Variants in PCMTD1 observed in about 807,000 individuals in gnomAD.
The protein encoded by PCMTD1 is protein-L-isoaspartate (D-aspartate) O-methyltransferase domain containing 1.
Under a neutral mutation model 37.6 loss-of-function variants are expected in PCMTD1, and 12 were observed. The ratio of observed to expected loss-of-function variants is 0.32; its 90% CI spans 0.20 to 0.52. PCMTD1 has a LOEUF of 0.52. Among genes scored for constraint, PCMTD1 ranks in the 20% least tolerant of loss-of-function variants. PCMTD1 has a pLI of 0.97. For missense variants in PCMTD1, 235 were observed against 421.3 expected, an observed-to-expected ratio of 0.56 and a Z score of 3.87; for synonymous variants, 117 against 135.8, an observed-to-expected ratio of 0.86 and a Z score of 0.96.
Position 51,867,519 on chromosome 8 carries a change from G to A in PCMTD1, c.-95-6273C>T, listed in dbSNP as rs533445211. On this transcript the variant is annotated intron_variant, in intron 1 of 5. Transcript: ENST00000522514. ...TGTGTGTGTGTGTGTGTGTGTGTGTGTATAGGAATTTGAGAGAAAGAAGAA... is the reference window on the plus strand; with the variant it reads ...TGTGTGTGTGTGTGTGTGTGTGTGTATATAGGAATTTGAGAGAAAGAAGAA... Among the ~76,000 whole-genome samples the A allele has an allele frequency of 1.1e-4, 15 of 138,086 alleles. No homozygotes were observed. In the East Asian group the frequency reaches 2.6e-3, roughly 24 times the overall value. 90.6% of individuals were successfully genotyped at this position (138,086 alleles called of 152,430 possible). A position where few individuals can be genotyped will look rare whatever the true frequency, so the allele number is the denominator to read the frequency against.
intron 1 of PCMTD1, among the ~76,000 whole-genome samples, chr8:51,888,653 T>C (rs1401901001): frequency 6.6e-6 from 1 of 152,194 alleles, no homozygotes; most frequent in Non-Finnish European, 1.5e-5. Context: ...AAGAATCAAA[T>C]GAAATAATGT....
chr8:51,848,789 G>C (rs990943735), intron 2 of PCMTD1, among the ~76,000 whole-genome samples: 2 of 152,000 alleles, frequency 1.3e-5, no homozygotes, highest in Non-Finnish European at 2.9e-5. Context: ...CATTAATACT[G>C]AATTGTAAAC....
rs150815583 is a variant in PCMTD1 at position 51,838,465 on chromosome 8, G to T, written c.411-4776C>A. ...GACCATGGCCACTGCACTCCAGCCT[G>T]TGCGACACAGCAAGACCCTGTCTCA... On this transcript the variant is annotated intron_variant, in intron 3 of 5. Coordinates refer to ENST00000522514, the MANE Select transcript of PCMTD1 (RefSeq NM_052937.4). Among the ~76,000 whole-genome samples, 919 of 152,118 alleles carry T rather than the reference G, an allele frequency of 6.0e-3. 8 individuals carry two copies. The highest frequency in any genetic ancestry group is 0.014 in the Admixed American group (214 of 15,266).
intron 3 of PCMTD1, among the ~76,000 whole-genome samples, chr8:51,841,592 T>TA (rs1190855221): frequency 6.6e-6 from 1 of 152,230 alleles, no homozygotes. Flanking sequence ...AATGCTATAC[T>TA]AATAATTCAT....
At chr8:51,846,627 T>C (rs2038224061) in intron 2 of PCMTD1, among the ~76,000 whole-genome samples, 2 of 151,874 alleles carry the variant, frequency 1.3e-5, no homozygotes, top group South Asian at 4.1e-4. Flanking sequence ...CTGGAAGGTG[T>C]CTTATTTTCA....
intron 1 of PCMTD1, among the ~76,000 whole-genome samples, chr8:51,880,368 T>A (rs193264725): frequency 2.1e-3 from 318 of 152,176 alleles, no homozygotes; most frequent in Non-Finnish European, 3.5e-3. Context: ...ATGATGTTTT[T>A]AAAAAAAACT....
At chr8:51,882,457 G>T (rs1290892537) in intron 1 of PCMTD1, among the ~76,000 whole-genome samples, 1 of 11,114 alleles carries the variant, frequency 9.0e-5, no homozygotes, top group Non-Finnish European at 3.9e-4. Flanking sequence ...TCTTTCAAAA[G>T]CTCTCAAACA....
Position 51,819,063 on chromosome 8 carries a change from C to A in PCMTD1, c.*1288G>T, listed in dbSNP as rs1563331346. ...AGGCCTTATTAGGAAAACAAACAAACAATGGCAGTTACTACCTGTTTTTTA... is the reference window on the plus strand; with the variant it reads ...AGGCCTTATTAGGAAAACAAACAAAAAATGGCAGTTACTACCTGTTTTTTA... On this transcript the variant is annotated 3_prime_UTR_variant, in exon 6 of 6. Coordinates refer to ENST00000522514, the MANE Select transcript of PCMTD1 (RefSeq NM_052937.4). 1 of 152,002 alleles carries A rather than the reference C, an allele frequency of 6.6e-6. No individual in the cohort carries two copies. The highest frequency in any genetic ancestry group is 1.5e-5 in the Non-Finnish European group (1 of 67,998). The allele number at this position is 152,002 out of a possible 1,614,324, so 9.4% of individuals were successfully genotyped here. A position where few individuals can be genotyped will look rare whatever the true frequency, so the allele number is the denominator to read the frequency against.
At chr8:51,846,635 T>G (rs1039637799) in intron 2 of PCMTD1, among the ~76,000 whole-genome samples, 3 of 151,382 alleles carry the variant, frequency 2.0e-5, no homozygotes, top group African/African-American at 7.3e-5. Context: ...TGTCTTATTT[T>G]CAGTATCTTT....
intron 1 of PCMTD1, among the ~76,000 whole-genome samples, chr8:51,878,675 A>G (rs1327296249): frequency 2.6e-5 from 4 of 152,160 alleles, no homozygotes; most frequent in Non-Finnish European, 5.9e-5. Context: ...CTTGAGCCCA[A>G]GAGGTGAAGG....
At chr8:51,838,352 G>A (rs1238251792) in intron 3 of PCMTD1, among the ~76,000 whole-genome samples, 1 of 151,590 alleles carries the variant, frequency 6.6e-6, no homozygotes, top group African/African-American at 2.4e-5. Context: ...AGTTAGGCAC[G>A]GTAGCACGCG....
At chr8:51,867,875 G>C (rs987279817) in intron 1 of PCMTD1, among the ~76,000 whole-genome samples, 2 of 152,008 alleles carry the variant, frequency 1.3e-5, no homozygotes, top group African/African-American at 2.4e-5. Flanking sequence ...TGCTAGACAG[G>C]AGAAATACGC....
At chr8:51,828,864 T>C (rs2037959614) in intron 5 of PCMTD1, among the ~76,000 whole-genome samples, 1 of 152,208 alleles carries the variant, frequency 6.6e-6, no homozygotes, top group Non-Finnish European at 1.5e-5. Context: ...ATACCAGTTT[T>C]TGACTAGACA....
At position 51,849,937 on chromosome 8, in the gene PCMTD1, T is replaced by C. The variant is rs1237550011; in HGVS notation, c.308-4174A>G. The C allele has an allele frequency of 1.1e-5, 7 of 640,052 alleles. No individual in the cohort carries two copies. The East Asian group carries it at 1.9e-4, about 17-fold the overall frequency. 39.6% of individuals were successfully genotyped at this position (640,052 alleles called of 1,614,324 possible). A position where few individuals can be genotyped will look rare whatever the true frequency, so the allele number is the denominator to read the frequency against. On this transcript the variant is annotated intron_variant, in intron 2 of 5. Transcript: ENST00000522514. ...AAACCTGAGAGTTCCACACTGCATT[T>C]GAATGAAGTTCACTGTGCCTTTAGT...
intron 1 of PCMTD1, among the ~76,000 whole-genome samples, chr8:51,894,757 A>C (rs1444590771): frequency 6.6e-6 from 1 of 151,380 alleles, no homozygotes; most frequent in Non-Finnish European, 1.5e-5. Context: ...AGAAAGATAG[A>C]AGAAATCAGG....
chr8:51,875,856 C>CAGG (rs1424617238), intron 1 of PCMTD1, among the ~76,000 whole-genome samples: 2 of 152,112 alleles, frequency 1.3e-5, no homozygotes, highest in East Asian at 3.9e-4. Flanking sequence ...CACTTGTGCC[C>CAGG]AGGAGTTCAA....
chr8:51,860,041 T>C (rs552870253), intron 2 of PCMTD1, among the ~76,000 whole-genome samples: 1 of 152,206 alleles, frequency 6.6e-6, no homozygotes, highest in Non-Finnish European at 1.5e-5. Flanking sequence ...TCCAACATAA[T>C]GTCTTATAGC....
chr8:51,861,206 G>A lies in PCMTD1; in HGVS notation c.-55C>T. Reference sequence around the variant, plus strand: ...AAAGTGAAATAAAATTAGTAGAAATGGCTTCCAATATTGCACTTGATTTCC... The same window carrying A: ...AAAGTGAAATAAAATTAGTAGAAATAGCTTCCAATATTGCACTTGATTTCC... On this transcript the variant is annotated 5_prime_UTR_variant, in exon 2 of 6. Coordinates refer to ENST00000522514, the MANE Select transcript of PCMTD1 (RefSeq NM_052937.4). 6.6e-7 allele frequency: 1 copy of A among 1,507,938 alleles called. No individual in the cohort carries two copies. The highest frequency in any genetic ancestry group is 8.9e-7 in the Non-Finnish European group (1 of 1,126,114). The allele number at this position is 1,507,938 out of a possible 1,614,324, so 93.4% of individuals were successfully genotyped here. A position where few individuals can be genotyped will look rare whatever the true frequency, so the allele number is the denominator to read the frequency against.
chr8:51,848,656 T>A (rs1034704083), intron 2 of PCMTD1, among the ~76,000 whole-genome samples: 1 of 151,322 alleles, frequency 6.6e-6, no homozygotes, highest in African/African-American at 2.4e-5. Flanking sequence ...TTAATTTTTT[T>A]AAACATAACT....
Sources: allele counts gnomAD v4.1 joint callset (sites outside exome capture counted in the v4.1 genomes callset), GRCh38; gene constraint gnomAD v4.1.1; transcripts MANE v1.5; gene names NCBI Gene and HGNC (gene_info 2026-07-23, HGNC 2026-07-21).